Variants in MYO1E observed in about 807,000 individuals in gnomAD.
MYO1E encodes unconventional myosin-Ie.
In MYO1E, 68 loss-of-function variants were observed where a neutral mutation model predicts 151.1. The ratio of observed to expected loss-of-function variants is 0.45; its 90% CI spans 0.37 to 0.55. The LOEUF (loss-of-function observed/expected upper bound fraction) is 0.55, where lower values mean the gene tolerates loss of function less well. Ranked by LOEUF, MYO1E falls within the 20% of genes least tolerant of loss-of-function variation. The pLI is 0.00. For missense variants in MYO1E, 1,363 were observed against 1,389.3 expected, an observed-to-expected ratio of 0.98 and a Z score of 0.30; for synonymous variants, 601 against 501.7, an observed-to-expected ratio of 1.20 and a Z score of -2.64.
At chr15:59,305,981 C>G (rs1388994726) in intron 1 of MYO1E, among the ~76,000 whole-genome samples, 1 of 152,204 alleles carries the variant, frequency 6.6e-6, no homozygotes, top group African/African-American at 2.4e-5. Flanking sequence ...CAGCCTTGAA[C>G]TCCCTCCATC....
At chr15:59,253,481 G>GTTTTT (rs5812967) in intron 4 of MYO1E, among the ~76,000 whole-genome samples, 9 of 126,910 alleles carry the variant, frequency 7.1e-5, no homozygotes, top group African/African-American at 8.9e-5. Flanking sequence ...GTCTGATCGA[G>GTTTTT]TTTTTTTTTT....
chr15:59,370,723 A>G (rs2140447322), intron 1 of MYO1E, among the ~76,000 whole-genome samples: 1 of 152,358 alleles, frequency 6.6e-6, no homozygotes, highest in South Asian at 2.1e-4. Flanking sequence ...AACCTAGAGT[A>G]TATTTCAGTC....
chr15:59,347,812 T>G (rs958826142), intron 1 of MYO1E, among the ~76,000 whole-genome samples: 1 of 152,116 alleles, frequency 6.6e-6, no homozygotes, highest in African/African-American at 2.4e-5. Context: ...ACCAGAAAAG[T>G]AAATTTCGGG....
At chr15:59,257,237 A>C (rs1352109449) in intron 3 of MYO1E, among the ~76,000 whole-genome samples, 1 of 152,198 alleles carries the variant, frequency 6.6e-6, no homozygotes, top group African/African-American at 2.4e-5. Context: ...TAATCACTCC[A>C]AGCTACTTGG....
At chr15:59,268,491 AAAGC>A (rs2080269385) in intron 2 of MYO1E, among the ~76,000 whole-genome samples, 1 of 152,210 alleles carries the variant, frequency 6.6e-6, no homozygotes. Context: ...CTGAATTTAA[AAAGC>A]AAGTCTTAAC....
At position 59,171,840 on chromosome 15, in the gene MYO1E, G is replaced by A. The variant is rs2306788; in HGVS notation, c.2480+57C>T. ...CTTCCTCCTGGCTGTTTGGAACAGC[G>A]GACCGTGATGCTGAGGCGAGAAGGG... is the stretch of plus-strand genomic sequence containing the variant. On this transcript the variant is annotated intron_variant, in intron 22 of 27. Transcript: ENST00000288235. The A allele has an allele frequency of 0.56, 895,365 of 1,610,382 alleles. 263,533 individuals carry two copies. The highest frequency in any genetic ancestry group is 0.62 in the Non-Finnish European group (729,022 of 1,177,520).
chr15:59,281,298 A>T (rs2080352121), intron 1 of MYO1E, among the ~76,000 whole-genome samples: 1 of 149,832 alleles, frequency 6.7e-6, no homozygotes, highest in South Asian at 2.1e-4. Context: ...TTTTCTGAGA[A>T]AGAGTCTTGC....
chr15:59,337,110 A>C (rs1441267195), intron 1 of MYO1E, among the ~76,000 whole-genome samples: 7 of 152,124 alleles, frequency 4.6e-5, no homozygotes, highest in Non-Finnish European at 1.0e-4. Flanking sequence ...TTTACAAAGC[A>C]CTTCTACTTT....
intron 22 of MYO1E, among the ~76,000 whole-genome samples, chr15:59,170,485 G>C (rs1444949001): frequency 6.6e-6 from 1 of 152,100 alleles, no homozygotes; most frequent in African/African-American, 2.4e-5. Flanking sequence ...AGCTAGCCAG[G>C]AAGAGTGTGG....
intron 22 of MYO1E, among the ~76,000 whole-genome samples, chr15:59,166,142 A>G (rs892086169): frequency 3.3e-5 from 5 of 152,230 alleles, no homozygotes; most frequent in African/African-American, 9.6e-5. Context: ...ACTTTAACCA[A>G]CAACTCCAAA....
intron 16 of MYO1E, among the ~76,000 whole-genome samples, chr15:59,199,511 G>C (rs2140332327): frequency 6.6e-6 from 1 of 151,454 alleles, no homozygotes; most frequent in Middle Eastern, 3.4e-3. Context: ...TTCAGGATTT[G>C]AGATGCTCAA....
At chr15:59,314,737 A>G (rs1403803181) in intron 1 of MYO1E, among the ~76,000 whole-genome samples, 1 of 152,118 alleles carries the variant, frequency 6.6e-6, no homozygotes, top group Non-Finnish European at 1.5e-5. Context: ...GATACCAGGG[A>G]TGTAGCTAAA....
At chr15:59,361,939 C>T (rs1311200438) in intron 1 of MYO1E, among the ~76,000 whole-genome samples, 3 of 152,164 alleles carry the variant, frequency 2.0e-5, no homozygotes, top group East Asian at 1.9e-4. Flanking sequence ...TGGGTTCAAA[C>T]GATTCTCCTG....
intron 25 of MYO1E, among the ~76,000 whole-genome samples, chr15:59,156,948 T>A (rs571146062): frequency 7.9e-5 from 12 of 152,182 alleles, no homozygotes; most frequent in Admixed American, 3.3e-4. Context: ...AGAGGCCAGG[T>A]GCAGTGGCTC....
chr15:59,224,951 GC>G, intron 7 of MYO1E, 128 bp from the exon 8 acceptor site: 1 of 1,272,280 alleles, frequency 7.9e-7, no homozygotes, highest in Non-Finnish European at 1.1e-6. Flanking sequence ...GGCAGTCCTG[GC>G]CCCCAAATAT....
At position 59,207,619 on chromosome 15, in the gene MYO1E, C is replaced by T. The variant is rs528563883; in HGVS notation, c.1530+1062G>A. On this transcript the variant is annotated intron_variant, in intron 14 of 27. Coordinates refer to ENST00000288235, the MANE Select transcript of MYO1E (RefSeq NM_004998.4). ...TTTTCGTTTCTTGATTGGACAAAAG[C>T]TTGGTATCCATTCTGAAAGCTGCCA... is the stretch of plus-strand genomic sequence containing the variant. 4 of 1,614,130 alleles carry T rather than the reference C, an allele frequency of 2.5e-6. No individual in the cohort carries two copies. The African/African-American group carries it at 5.3e-5, about 22-fold the overall frequency.
At chr15:59,198,893 CCT>C (rs2079784407) in intron 16 of MYO1E, among the ~76,000 whole-genome samples, 1 of 151,952 alleles carries the variant, frequency 6.6e-6, no homozygotes, top group Non-Finnish European at 1.5e-5. Context: ...GCCTGTACTT[CCT>C]CTGTCATGTC....
At chr15:59,173,979 C>A in intron 20 of MYO1E, 64 bp from the exon 21 acceptor site, 1 of 1,568,848 alleles carries the variant, frequency 6.4e-7, no homozygotes, top group Non-Finnish European at 8.8e-7. Context: ...GAGGAAAATA[C>A]TGTGGAAATA....
At chr15:59,149,382 C>T (rs1393337704) in intron 26 of MYO1E, among the ~76,000 whole-genome samples, 1 of 152,242 alleles carries the variant, frequency 6.6e-6, no homozygotes, top group Admixed American at 6.5e-5. Flanking sequence ...AGGATTCTTG[C>T]CTAACCTCTT....
Sources: gnomAD v4.1 joint callset for allele counts (sites outside exome capture counted in the v4.1 genomes callset) on GRCh38, gnomAD v4.1.1 for gene constraint, MANE v1.5 for transcripts, NCBI Gene and HGNC (gene_info 2026-07-23, HGNC 2026-07-21) for gene names.